The following TMEM232 variants were observed in gnomAD, a reference collection of about 807,000 sequenced individuals.
TMEM232 encodes transmembrane protein 232.
In TMEM232, 80 loss-of-function variants were observed where a neutral mutation model predicts 78.8. The ratio of observed to expected loss-of-function variants is 1.01; its 90% CI spans 0.85 to 1.22. TMEM232 has a LOEUF of 1.22. TMEM232 is among the 50% of genes most tolerant of loss of function. The probability of loss-of-function intolerance (pLI) is 0.00; values close to 1 mark genes in which losing one functional copy is unlikely to be tolerated. For missense variants in TMEM232, 881 were observed against 742.2 expected, an observed-to-expected ratio of 1.19 and a Z score of -2.17; for synonymous variants, 297 against 254.3, an observed-to-expected ratio of 1.17 and a Z score of -1.60.
chr5:110,420,584 A>ATTAC lies in TMEM232; in HGVS notation c.1966_1969dup (p.Ile657SerfsTer14), dbSNP rs773842637. On this transcript the variant is annotated frameshift_variant, in exon 14 of 14. Transcript: ENST00000455884. LOFTEE classifies it high-confidence loss of function. The stretch of plus-strand genomic sequence containing the variant: ...AGGTGACATTTTCTTTTCTAATTAA[A>ATTAC]TTACTTCCTTCCTATAAGGAAGTTC... 1 of 1,457,060 alleles carries ATTAC rather than the reference A, an allele frequency of 6.9e-7. No individual in the cohort carries two copies. The highest frequency in any genetic ancestry group is 3.2e-5 in the Admixed American group (1 of 31,072). The allele number at this position is 1,457,060 out of a possible 1,614,324, so 90.3% of individuals were successfully genotyped here.
intron 2 of TMEM232, among the ~76,000 whole-genome samples, chr5:110,408,945 G>C (rs1360731043): frequency 6.6e-6 from 1 of 152,084 alleles, no homozygotes; most frequent in Non-Finnish European, 1.5e-5. Flanking sequence ...CTCCTACCTA[G>C]ACCAGTTGAA....
intron 2 of TMEM232, among the ~76,000 whole-genome samples, chr5:110,403,518 A>T (rs1043938369): frequency 1.2e-4 from 19 of 152,060 alleles, no homozygotes; most frequent in African/African-American, 4.6e-4. Flanking sequence ...GCCAGGGACC[A>T]TTCATAGCTC....
intron 11 of TMEM232, among the ~76,000 whole-genome samples, chr5:110,559,523 A>T (rs570953372): frequency 7.2e-5 from 11 of 152,320 alleles, no homozygotes; most frequent in African/African-American, 2.6e-4. Context: ...AATTTCTAGC[A>T]GGCAATTTAT....
At chr5:110,590,150 C>A (rs998022533) in intron 10 of TMEM232, among the ~76,000 whole-genome samples, 1 of 152,112 alleles carries the variant, frequency 6.6e-6, no homozygotes, top group Non-Finnish European at 1.5e-5. Flanking sequence ...AAAACCACCA[C>A]TCAGCACTTC....
At chr5:110,719,780 G>A (rs1026137896) in intron 1 of TMEM232, among the ~76,000 whole-genome samples, 3 of 152,094 alleles carry the variant, frequency 2.0e-5, no homozygotes, top group South Asian at 2.1e-4. Context: ...AATTTGGCAA[G>A]GCTCTCTTTG....
Position 110,605,340 on chromosome 5 carries a change from C to G in TMEM232, c.1045G>C (p.Asp349His). ...VQNQEESCKV[D>H]DFSWAWNVVY... ...ACATTCCAGGCCCAGGAAAAATCAT[C>G]TACCTTGCAACTTTCTTCCTGAAAT... The change falls in exon 10 of 14, where the codon GAT becomes CAT. Residue 349 changes from aspartate to histidine, a missense_variant. Coordinates refer to ENST00000455884, the MANE Select transcript of TMEM232 (RefSeq NM_001039763.4). The G allele has an allele frequency of 6.5e-7, 1 of 1,543,826 alleles. No individual in the cohort carries two copies. Among genetic ancestry groups the G allele is most frequent in the Non-Finnish European group, 8.7e-7 (1 of 1,143,626 alleles).
intron 11 of TMEM232, among the ~76,000 whole-genome samples, chr5:110,564,176 G>C (rs1034646390): frequency 6.6e-6 from 1 of 151,814 alleles, no homozygotes; most frequent in Non-Finnish European, 1.5e-5. Context: ...GGAATATTAG[G>C]ATAATTGCTC....
intron 1 of TMEM232, among the ~76,000 whole-genome samples, chr5:110,716,709 C>T (rs1561560759): frequency 1.3e-5 from 2 of 152,154 alleles, no homozygotes; most frequent in Non-Finnish European, 2.9e-5. Context: ...CGGCATTAGT[C>T]TGTGGCCAGG....
intron 11 of TMEM232, among the ~76,000 whole-genome samples, chr5:110,532,438 T>G (rs1771664401): frequency 1.3e-5 from 2 of 151,808 alleles, no homozygotes; most frequent in Admixed American, 1.3e-4. Flanking sequence ...CCACTCCACA[T>G]TACCTTCTTT....
At chr5:110,683,965 A>G (rs565205244) in intron 1 of TMEM232, among the ~76,000 whole-genome samples, 33 of 152,174 alleles carry the variant, frequency 2.2e-4, no homozygotes, top group Admixed American at 2.0e-4. Flanking sequence ...AGTAGGAAAT[A>G]TTTTGATATA....
chr5:110,625,453 C>G lies in TMEM232; in HGVS notation c.602-20G>C. The G allele has an allele frequency of 6.7e-7, 1 of 1,489,084 alleles. No homozygotes were observed. 92.2% of individuals were successfully genotyped at this position (1,489,084 alleles called of 1,614,324 possible). A position where few individuals can be genotyped will look rare whatever the true frequency, so the allele number is the denominator to read the frequency against. On this transcript the variant is annotated intron_variant, in intron 6 of 13. Transcript: ENST00000455884. ...AAAGTGCTATTGTAAGAAAAATCAT[C>G]TGTGAGAAATAATTTATTAATATTT...
At chr5:110,418,734 C>T (rs1756375403), downstream of TMEM232, among the ~76,000 whole-genome samples, 1 of 152,082 alleles carries the variant, frequency 6.6e-6, no homozygotes, top group African/African-American at 2.4e-5. Context: ...TCAGAGCAAA[C>T]ATAAACCTAA....
chr5:110,492,852 A>G (rs1765260329), intron 12 of TMEM232, among the ~76,000 whole-genome samples: 2 of 152,116 alleles, frequency 1.3e-5, no homozygotes, highest in Middle Eastern at 3.4e-3. Context: ...AGACACTTAA[A>G]AATTTTTGAA....
intron 10 of TMEM232, among the ~76,000 whole-genome samples, chr5:110,585,026 T>C (rs936136104): frequency 1.3e-5 from 2 of 152,158 alleles, no homozygotes; most frequent in Non-Finnish European, 2.9e-5. Context: ...TACAGGTGGA[T>C]TTTAGACCAC....
intron 12 of TMEM232, among the ~76,000 whole-genome samples, chr5:110,475,152 C>A (rs1404851252): frequency 6.6e-6 from 1 of 151,924 alleles, no homozygotes; most frequent in Non-Finnish European, 1.5e-5. Context: ...ACCAATGGAA[C>A]AATAGAGAGT....
chr5:110,392,448 T>C lies in TMEM232; in HGVS notation n.391-1808A>G, dbSNP rs565971931. Among the ~76,000 whole-genome samples, 8 of 152,340 alleles carry C rather than the reference T, an allele frequency of 5.3e-5. No individual in the cohort carries two copies. In the East Asian group the frequency reaches 1.5e-3, roughly 29 times the overall value. ...TGATTTGTTAGTCAGTTCAGGCTGT[T>C]ATGACAAAATATCATAGGCTGGCTG... is the stretch of plus-strand genomic sequence containing the variant. On this transcript the variant is annotated intron_variant and non_coding_transcript_variant, in intron 3 of 8. Transcript: ENST00000507188.
At chr5:110,507,216 A>G (rs894074168) in intron 12 of TMEM232, among the ~76,000 whole-genome samples, 1 of 152,146 alleles carries the variant, frequency 6.6e-6, no homozygotes, top group Non-Finnish European at 1.5e-5. Context: ...GTTGTGAATT[A>G]TTTTGTGTGA....
chr5:110,601,871 C>G (rs1411626537), intron 10 of TMEM232, among the ~76,000 whole-genome samples: 2 of 152,122 alleles, frequency 1.3e-5, no homozygotes, highest in African/African-American at 4.8e-5. Context: ...AAGCTGGAGG[C>G]ATCACGCTAC....
At chr5:110,523,684 G>A (rs1056944598) in intron 12 of TMEM232, among the ~76,000 whole-genome samples, 76 of 152,014 alleles carry the variant, frequency 5.0e-4, no homozygotes, top group Admixed American at 2.0e-3. Context: ...CTGGAATGGC[G>A]AATCATGCTT....
Sources: gnomAD v4.1 joint callset for allele counts (sites outside exome capture counted in the v4.1 genomes callset) on GRCh38, gnomAD v4.1.1 for gene constraint, MANE v1.5 for transcripts, NCBI Gene and HGNC (gene_info 2026-07-23, HGNC 2026-07-21) for gene names.